Variants in INCENP observed in about 807,000 individuals in gnomAD.
INCENP encodes the protein binds and activates aurora-B and -C in vivo and in vitro.
Under a neutral mutation model 107.3 loss-of-function variants are expected in INCENP, and 43 were observed. That is an observed-to-expected ratio of 0.40 (90% confidence interval 0.31 to 0.52). The LOEUF (loss-of-function observed/expected upper bound fraction) is 0.52, where lower values mean the gene tolerates loss of function less well. Ranked by LOEUF, INCENP falls within the 20% of genes least tolerant of loss-of-function variation. The pLI, the probability that INCENP is intolerant of heterozygous loss-of-function variation, is 0.53. For missense variants in INCENP, 1,089 were observed against 1,250.9 expected (o/e 0.87, Z 1.95); for synonymous variants, 488 against 494.4 (o/e 0.99, Z 0.17).
chr11:62,133,088 CAG>C (rs1321391354), intron 4 of INCENP, among the ~76,000 whole-genome samples: 1 of 152,048 alleles, frequency 6.6e-6, no homozygotes, highest in African/African-American at 2.4e-5. Context: ...GGGGCGGTGA[CAG>C]GGGAGGAGGC....
At chr11:62,151,177 G>C (rs1275117446) in intron 18 of INCENP, among the ~76,000 whole-genome samples, 1 of 152,222 alleles carries the variant, frequency 6.6e-6, no homozygotes, top group African/African-American at 2.4e-5. Flanking sequence ...AGTGACATGA[G>C]TGAGCTCACG....
chr11:62,130,713 C>A, intron 4 of INCENP, 123 bp downstream of exon 4: 1 of 836,032 alleles, frequency 1.2e-6, no homozygotes. Flanking sequence ...AGATGTTACA[C>A]ATCTGTGCTG....
chr11:62,140,718 A>G lies in INCENP; in HGVS notation c.1358A>G (p.Tyr453Cys). 6.3e-6 allele frequency: 10 copies of G among 1,577,870 alleles called. No individual in the cohort carries two copies. The highest frequency in any genetic ancestry group is 8.6e-6 in the Non-Finnish European group (10 of 1,162,820). ...PPQSARRKRS[Y>C]KQAVSELDEE... Reference sequence around the variant, plus strand: ...CGCCTTGGCAGGAGGAAGCGCAGCTACAAGCAGGCCGTGAGTGAGCTGGAC... The same window carrying G: ...CGCCTTGGCAGGAGGAAGCGCAGCTGCAAGCAGGCCGTGAGTGAGCTGGAC... Residue 453 changes from tyrosine (Y) to cysteine (C), a missense_variant, in exon 9 of 19, where the codon TAC becomes TGC. Transcript: ENST00000394818.
At chr11:62,140,542 C>G (rs1178911774) in intron 8 of INCENP, among the ~76,000 whole-genome samples, 162 bp from the exon 9 acceptor site, 1 of 152,240 alleles carries the variant, frequency 6.6e-6, no homozygotes, top group Non-Finnish European at 1.5e-5. Flanking sequence ...GTTCACCTCC[C>G]TTCCTCTGAG....
At chr11:62,141,185 G>T in intron 10 of INCENP, 141 bp downstream of exon 10, 2 of 1,166,554 alleles carry the variant, frequency 1.7e-6, no homozygotes, top group South Asian at 1.5e-5. Flanking sequence ...GCCGGTTGAA[G>T]CCTCTGTGGC....
In INCENP at chr11:62,153,031, T is replaced by C. The variant is rs1021772035; in HGVS notation, c.*1055T>C. The C allele has an allele frequency of 3.3e-5, 5 of 152,248 alleles. No individual in the cohort carries two copies. The highest frequency in any genetic ancestry group is 4.8e-5 in the African/African-American group (2 of 41,468). 9.4% of individuals were successfully genotyped at this position (152,248 alleles called of 1,614,324 possible). ...TGCCCATTTCCATTGTTGTCTCCAG[T>C]TGCTCTGCTCCGAGGGCAGTGTTAA... On this transcript the variant is annotated 3_prime_UTR_variant, in exon 19 of 19. Coordinates refer to ENST00000394818, the MANE Select transcript of INCENP (RefSeq NM_001040694.2).
intron 4 of INCENP, among the ~76,000 whole-genome samples, chr11:62,136,082 C>G (rs570323363): frequency 2.6e-5 from 4 of 152,248 alleles, no homozygotes; most frequent in African/African-American, 9.6e-5. Flanking sequence ...CAGGCGTGAG[C>G]CACCGCACCC....
In INCENP at chr11:62,152,420, G is replaced by C. The variant is rs558604489; in HGVS notation, c.*444G>C. On this transcript the variant is annotated 3_prime_UTR_variant, in exon 19 of 19. Coordinates refer to ENST00000394818, the MANE Select transcript of INCENP (RefSeq NM_001040694.2). ...CAGTGGCCTGCAGGACGAAGGTACT[G>C]TTCCATCACCTGCGGTGTGCCTCAG... The C allele has an allele frequency of 2.1e-5, 4 of 187,820 alleles. No individual in the cohort carries two copies. Among genetic ancestry groups the C allele is most frequent in the African/African-American group, 7.1e-5 (3 of 42,148 alleles). The allele number at this position is 187,820 out of a possible 1,614,324, so 11.6% of individuals were successfully genotyped here.
chr11:62,145,576 C>G, intron 13 of INCENP, 53 bp from the exon 14 acceptor site: 5 of 1,555,392 alleles, frequency 3.2e-6, no homozygotes, highest in African/African-American at 1.4e-5. Flanking sequence ...GGGCTCCACT[C>G]TGCAGGATTG....
At position 62,152,061 on chromosome 11, in the gene INCENP, C is replaced by G; in HGVS notation, c.*85C>G. The G allele has an allele frequency of 9.5e-7, 1 of 1,056,508 alleles. No individual in the cohort carries two copies. The highest frequency in any genetic ancestry group is 1.4e-6 in the Non-Finnish European group (1 of 724,484). The allele number at this position is 1,056,508 out of a possible 1,614,324, so 65.4% of individuals were successfully genotyped here. ...TCGGTCTCTGTCTTGGTCTGTTGCC[C>G]TCCTTCTTGGCATGCCATTGTGGAG... On this transcript the variant is annotated 3_prime_UTR_variant, in exon 19 of 19. Coordinates refer to ENST00000394818, the MANE Select transcript of INCENP (RefSeq NM_001040694.2).
chr11:62,138,628 C>T (rs1301137502), intron 5 of INCENP, 85 bp from the exon 6 acceptor site: 5 of 1,334,852 alleles, frequency 3.7e-6, no homozygotes, highest in East Asian at 4.7e-5. Context: ...CTTGGGTCCC[C>T]ATCCCTGGAA....
At chr11:62,141,626 G>A (rs1372873697) in intron 11 of INCENP, 115 bp downstream of exon 11, 2 of 1,372,502 alleles carry the variant, frequency 1.5e-6, no homozygotes, top group African/African-American at 1.4e-5. Context: ...TAAGCGGGAG[G>A]GGAGCCTTAG....
Position 62,147,406 on chromosome 11 carries a change from C to T in INCENP, c.2204+504C>T, listed in dbSNP as rs111981685. 1.5e-3 allele frequency among the ~76,000 whole-genome samples: 227 copies of T among 152,310 alleles called. 1 individual carries two copies. Among genetic ancestry groups the T allele is most frequent in the African/African-American group, 5.3e-3 (222 of 41,564 alleles). The stretch of plus-strand genomic sequence containing the variant: ...CTGGGATTTTCCAGCTGTGCAGATG[C>T]AGTGGTCTCTGTACAATAGACAAGA... On this transcript the variant is annotated intron_variant, in intron 15 of 18. Transcript: ENST00000394818.
At chr11:62,140,371 G>A (rs1944088406) in intron 8 of INCENP, 86 bp downstream of exon 8, 1 of 1,180,642 alleles carries the variant, frequency 8.5e-7, no homozygotes, top group Admixed American at 1.7e-5. Flanking sequence ...AGGTGGATGT[G>A]TGCTCAGGGG....
chr11:62,130,400 C>A lies in INCENP; in HGVS notation c.873C>A (p.Ser291=). 1 of 1,613,412 alleles carries A rather than the reference C, an allele frequency of 6.2e-7. No individual in the cohort carries two copies. The highest frequency in any genetic ancestry group is 8.5e-7 in the Non-Finnish European group (1 of 1,180,030). The part of the protein sequence containing the change: ...VLAPILPDNF[S]TPTGSRTDSQ... ...CTCCCATCCTGCCGGATAACTTCTC[C>A]ACGCCCACGGGCTCTCGCACGGACT... is the stretch of plus-strand genomic sequence containing the variant. The change falls in exon 4 of 19, where the codon TCC becomes TCA. Residue 291 remains serine (S), a synonymous_variant. Coordinates refer to ENST00000394818, the MANE Select transcript of INCENP (RefSeq NM_001040694.2).
chr11:62,132,806 AG>A (rs1287061872), intron 4 of INCENP, among the ~76,000 whole-genome samples: 1 of 151,868 alleles, frequency 6.6e-6, no homozygotes, highest in African/African-American at 2.4e-5. Context: ...TCTCCTCTTG[AG>A]GGGGTGGAGG....
chr11:62,150,476 A>G (rs60579330), intron 18 of INCENP, among the ~76,000 whole-genome samples: 45,807 of 152,060 alleles, frequency 0.3, 7,321 homozygotes, highest in South Asian at 0.46. Flanking sequence ...TGGGCATGGC[A>G]TATGCTGCTG....
chr11:62,129,393 G>C (rs1014466559), intron 3 of INCENP, among the ~76,000 whole-genome samples: 10 of 152,144 alleles, frequency 6.6e-5, no homozygotes, highest in Admixed American at 2.6e-4. Flanking sequence ...CTGCCTCTCT[G>C]AGCCTCCGTT....
intron 11 of INCENP, among the ~76,000 whole-genome samples, chr11:62,142,778 T>G (rs1169679395): frequency 6.6e-6 from 1 of 152,234 alleles, no homozygotes; most frequent in African/African-American, 2.4e-5. Context: ...CAGTCAGCAG[T>G]CAGCCTGGGA....
Sources: gnomAD v4.1 joint callset for allele counts (sites outside exome capture counted in the v4.1 genomes callset) on GRCh38, gnomAD v4.1.1 for gene constraint, MANE v1.5 for transcripts, NCBI Gene and HGNC (gene_info 2026-07-23, HGNC 2026-07-21) for gene names.